The following FN1 variants were observed in gnomAD, a reference collection of about 807,000 sequenced individuals.
FN1 encodes fibronectin.
FN1 carries 106 observed loss-of-function variants against 297.3 expected under a neutral mutation model. The observed-to-expected ratio is 0.36, with a 90% CI of 0.30 to 0.42. FN1 has a LOEUF of 0.42. Among genes scored for constraint, FN1 ranks in the 10% least tolerant of loss-of-function variants. The probability of loss-of-function intolerance (pLI) is 1.00; values close to 1 mark genes in which losing one functional copy is unlikely to be tolerated. For synonymous variants in FN1, 1,149 were observed against 1,152.6 expected, an observed-to-expected ratio of 1.00 and a Z score of 0.06; for missense variants, 2,690 against 3,124.9, an observed-to-expected ratio of 0.86 and a Z score of 3.32.
chr2:215,416,881 G>A (rs1234672952), intron 12 of FN1, among the ~76,000 whole-genome samples: 1 of 152,176 alleles, frequency 6.6e-6, no homozygotes, highest in Non-Finnish European at 1.5e-5. Context: ...GGTCCCTTTT[G>A]CTTTCATAAG....
chr2:215,361,811 C>T (rs1052314235), intron 45 of FN1, 158 bp downstream of exon 45: 2 of 611,820 alleles, frequency 3.3e-6, no homozygotes, highest in African/African-American at 4.0e-5. Context: ...TAAATTATAA[C>T]TTAAACTATA....
chr2:215,380,713 C>T, intron 33 of FN1, 98 bp downstream of exon 33: 1 of 1,370,866 alleles, frequency 7.3e-7, no homozygotes, highest in South Asian at 1.2e-5. Flanking sequence ...CTTTTTCACC[C>T]TTACACGGGA....
intron 36 of FN1, among the ~76,000 whole-genome samples, 181 bp downstream of exon 36, chr2:215,376,317 A>G (rs936209243): frequency 2.0e-5 from 3 of 152,242 alleles, no homozygotes; most frequent in African/African-American, 7.2e-5. Flanking sequence ...ATTACACAAA[A>G]TCAGGCATTC....
chr2:215,416,400 ATCTTT>A, intron 12 of FN1, among the ~76,000 whole-genome samples: 2 of 152,304 alleles, frequency 1.3e-5, no homozygotes, highest in Middle Eastern at 6.8e-3. Context: ...TTCCATGCCT[ATCTTT>A]GAATTACCCC....
chr2:215,432,062 TAGAGA>T, intron 3 of FN1, 98 bp from the exon 4 acceptor site: 2 of 1,412,908 alleles, frequency 1.4e-6, no homozygotes, highest in Non-Finnish European at 2.0e-6. Flanking sequence ...TTGGCTAAAG[TAGAGA>T]CACAGACAAC....
chr2:215,403,358 T>C (rs927067915), intron 20 of FN1, among the ~76,000 whole-genome samples: 2 of 152,190 alleles, frequency 1.3e-5, no homozygotes, highest in Admixed American at 6.5e-5. Flanking sequence ...CTTTGGGAAA[T>C]CAATTCCATA....
chr2:215,383,520 A>G, intron 30 of FN1, 37 bp from the exon 31 acceptor site: 1 of 1,611,776 alleles, frequency 6.2e-7, no homozygotes, highest in Non-Finnish European at 8.5e-7. Flanking sequence ...GTGAAGCCCC[A>G]GTCCTTGGAG....
intron 31 of FN1, 129 bp downstream of exon 31, chr2:215,383,199 G>T: frequency 2.2e-6 from 2 of 898,914 alleles, no homozygotes; most frequent in Non-Finnish European, 1.8e-6. Context: ...GTACAGACGG[G>T]GTTTCGCCAT....
intron 20 of FN1, among the ~76,000 whole-genome samples, chr2:215,404,180 G>A (rs574488948): frequency 3.3e-5 from 5 of 152,120 alleles, no homozygotes; most frequent in African/African-American, 7.2e-5. Flanking sequence ...TGTGATTTAC[G>A]TTCTGGCACA....
chr2:215,363,242 G>T (rs1363627616), intron 44 of FN1: 3 of 152,136 alleles, frequency 2.0e-5, no homozygotes, highest in Non-Finnish European at 2.9e-5. Flanking sequence ...AAGGTTTCAT[G>T]TGCATAAATA....
rs2577298 is a variant in FN1, at chr2:215,398,983, G to A, written c.3348+274C>T. On this transcript the variant is annotated intron_variant, in intron 21 of 45. Coordinates refer to ENST00000354785, the MANE Select transcript of FN1 (RefSeq NM_212482.4). ...TGAAATGTAATTCCCTGCAGGAAAG[G>A]ATAGAGAAAATAAGATAACAATAAG... is the stretch of plus-strand genomic sequence containing the variant. Among the ~76,000 whole-genome samples, 88,505 of 152,078 alleles carry A rather than the reference G, an allele frequency of 0.58. 26,190 individuals are homozygous for A. The highest frequency in any genetic ancestry group is 0.93 in the East Asian group (4,831 of 5,182).
At chr2:215,379,772 C>T (rs1252821402) in intron 33 of FN1, 1 of 175,792 alleles carries the variant, frequency 5.7e-6, no homozygotes, top group Non-Finnish European at 1.2e-5. Context: ...TAGCTCACTG[C>T]AGCCTTGAAC....
At chr2:215,362,858 C>G (rs959249865) in intron 44 of FN1, 1 of 152,610 alleles carries the variant, frequency 6.6e-6, no homozygotes, top group Non-Finnish European at 1.5e-5. Flanking sequence ...CCCGCTGAAG[C>G]ACGAAGCCAG....
chr2:215,373,156 A>T (rs2056571595), intron 39 of FN1, among the ~76,000 whole-genome samples, 166 bp downstream of exon 39: 1 of 152,224 alleles, frequency 6.6e-6, no homozygotes, highest in African/African-American at 2.4e-5. Context: ...AGTGCATGTT[A>T]AATTATTTCT....
intron 5 of FN1, among the ~76,000 whole-genome samples, chr2:215,428,762 T>C (rs2065945047): frequency 6.6e-6 from 1 of 152,130 alleles, no homozygotes; most frequent in Non-Finnish European, 1.5e-5. Flanking sequence ...CTCACGCCTG[T>C]AATCCTAGTA....
At chr2:215,397,274 CT>C (rs1183921810) in intron 22 of FN1, 51 bp from the exon 23 acceptor site, 1 of 1,307,258 alleles carries the variant, frequency 7.6e-7, no homozygotes, top group Non-Finnish European at 1.1e-6. Flanking sequence ...AGCTCTTGAC[CT>C]GTGTAATCTT....
intron 41 of FN1, among the ~76,000 whole-genome samples, chr2:215,369,949 G>T (rs2055509772): frequency 6.6e-6 from 1 of 152,040 alleles, no homozygotes; most frequent in Non-Finnish European, 1.5e-5. Context: ...AGAGGGTCTG[G>T]GAAAAGACAT....
At chr2:215,434,846 C>A (rs777553479) in intron 1 of FN1, 22 bp from the exon 2 acceptor site, 2 of 1,550,776 alleles carry the variant, frequency 1.3e-6, no homozygotes, top group African/African-American at 3.3e-5. Flanking sequence ...TGAAGGAAAA[C>A]GTTACATTTG....
At chr2:215,407,384 C>A in intron 17 of FN1, 63 bp from the exon 18 acceptor site, 1 of 1,312,486 alleles carries the variant, frequency 7.6e-7, no homozygotes, top group Non-Finnish European at 1.1e-6. Context: ...TTAGAAACAC[C>A]ATAAATCCTC....
Sources: gnomAD v4.1 joint callset for allele counts (sites outside exome capture counted in the v4.1 genomes callset) on GRCh38, gnomAD v4.1.1 for gene constraint, MANE v1.5 for transcripts, NCBI Gene and HGNC (gene_info 2026-07-23, HGNC 2026-07-21) for gene names.